Variants in NRN1 observed in about 807,000 individuals in gnomAD.
The protein encoded by NRN1 is neuritin.
In NRN1, 4 loss-of-function variants were observed where a neutral mutation model predicts 15.0. The observed-to-expected ratio is 0.27, with a 90% CI of 0.13 to 0.61. The LOEUF is 0.61. Among genes scored for constraint, NRN1 ranks in the 20% least tolerant of loss-of-function variants. The pLI is 0.87. For synonymous variants in NRN1, 85 were observed against 79.8 expected, an observed-to-expected ratio of 1.07 and a Z score of -0.35; for missense variants, 134 against 181.9, an observed-to-expected ratio of 0.74 and a Z score of 1.51.
At chr6:6,005,712 T>G (rs1758095000) in intron 1 of NRN1, among the ~76,000 whole-genome samples, 1 of 152,224 alleles carries the variant, frequency 6.6e-6, no homozygotes. Context: ...TTTTCCCCCG[T>G]GTTGTCCATT....
chr6:6,002,518 C>A (rs777177068), intron 1 of NRN1, 21 bp from the exon 2 acceptor site: 1 of 1,604,692 alleles, frequency 6.2e-7, no homozygotes, highest in African/African-American at 1.3e-5. Flanking sequence ...GAGGGAACAC[C>A]GGTCAGCAGC....
At chr6:6,002,526 A>G in intron 1 of NRN1, 29 bp from the exon 2 acceptor site, 2 of 1,603,092 alleles carry the variant, frequency 1.2e-6, no homozygotes, top group Non-Finnish European at 1.7e-6. Context: ...ACCGGTCAGC[A>G]GCGCCACGAC....
At chr6:6,003,711 G>A (rs1758030191) in intron 1 of NRN1, 2 of 1,234,374 alleles carry the variant, frequency 1.6e-6, no homozygotes, top group Non-Finnish European at 2.0e-6. Context: ...ACCAGGCTGC[G>A]GGCGCGCGGC....
In NRN1 at chr6:5,998,689, A is replaced by C; in HGVS notation, c.*287T>G. 1.1e-5 allele frequency: 3 copies of C among 283,158 alleles called. No homozygotes were observed. Among genetic ancestry groups the C allele is most frequent in the Non-Finnish European group, 1.3e-5 (2 of 153,368 alleles). 17.5% of individuals were successfully genotyped at this position (283,158 alleles called of 1,614,324 possible). ...AAAAAATTAATAATAATAAAATTAA[A>C]AAATGGGGTGGGTTTGCCGTTTTCT... On this transcript the variant is annotated 3_prime_UTR_variant, in exon 3 of 3. Coordinates refer to ENST00000244766, the MANE Select transcript of NRN1 (RefSeq NM_016588.3).
Sources: allele counts gnomAD v4.1 joint callset (sites outside exome capture counted in the v4.1 genomes callset), GRCh38; gene constraint gnomAD v4.1.1; transcripts MANE v1.5; gene names NCBI Gene and HGNC (gene_info 2026-07-23, HGNC 2026-07-21).